Variants in VPS53 observed in about 807,000 individuals in gnomAD.
The protein encoded by VPS53 is VPS53 subunit of GARP complex.
A neutral mutation model predicts 107.0 loss-of-function variants in VPS53; 70 were observed. The ratio of observed to expected loss-of-function variants is 0.65; its 90% CI spans 0.54 to 0.80. The LOEUF (loss-of-function observed/expected upper bound fraction) is 0.80, where lower values mean the gene tolerates loss of function less well. Among genes scored for constraint, VPS53 ranks in the 30% least tolerant of loss-of-function variants. The pLI is 0.00. For missense variants in VPS53, 917 were observed against 1,049.4 expected, an observed-to-expected ratio of 0.87 and a Z score of 1.74; for synonymous variants, 409 against 393.3, an observed-to-expected ratio of 1.04 and a Z score of -0.47.
At chr17:684,255 C>CA (rs1412519629) in intron 4 of VPS53, among the ~76,000 whole-genome samples, 3 of 151,488 alleles carry the variant, frequency 2.0e-5, no homozygotes, top group Middle Eastern at 3.2e-3. Context: ...AGTAATAAGG[C>CA]AAAAAATATT....
chr17:623,575 A>G lies in VPS53; in HGVS notation c.1074T>C (p.Leu358=). Residue 358 remains leucine, a synonymous_variant, in exon 11 of 22, where the codon CTT becomes CTC. Transcript: ENST00000437048. The part of the protein sequence containing the change: ...IQRTTNFEGF[L]AKRFSGCTLT... ...GGGTGCAGCCGGAGAAGCGTTTTGC[A>G]AGAAACCCCTCAAAGTTAGTTGTTC... 1 of 1,613,834 alleles carries G rather than the reference A, an allele frequency of 6.2e-7. No individual in the cohort carries two copies. Among genetic ancestry groups the G allele is most frequent in the Non-Finnish European group, 8.5e-7 (1 of 1,179,762 alleles).
chr17:682,486 C>T (rs1196436805), intron 4 of VPS53, among the ~76,000 whole-genome samples: 1 of 152,112 alleles, frequency 6.6e-6, no homozygotes, highest in African/African-American at 2.4e-5. Flanking sequence ...TGTAGAAGGG[C>T]ATGTAAGGAA....
At chr17:571,265 G>A (rs1419608502) in intron 13 of VPS53, among the ~76,000 whole-genome samples, 2 of 150,480 alleles carry the variant, frequency 1.3e-5, no homozygotes, top group African/African-American at 4.9e-5. Context: ...GGGGAGGGGA[G>A]GGAGAAGAGA....
At chr17:694,646 A>C (rs1414862453) in intron 4 of VPS53, among the ~76,000 whole-genome samples, 1 of 152,236 alleles carries the variant, frequency 6.6e-6, no homozygotes, top group African/African-American at 2.4e-5. Flanking sequence ...ATCACTTTTA[A>C]GGAACACCCA....
At chr17:657,817 C>T (rs1333331073) in intron 5 of VPS53, among the ~76,000 whole-genome samples, 11 of 151,782 alleles carry the variant, frequency 7.2e-5, no homozygotes, top group East Asian at 1.9e-4. Context: ...GTGAGAAACT[C>T]GGCCGTTGAG....
At chr17:590,581 G>T (rs1201963106) in intron 12 of VPS53, among the ~76,000 whole-genome samples, 1 of 152,072 alleles carries the variant, frequency 6.6e-6, no homozygotes, top group Non-Finnish European at 1.5e-5. Flanking sequence ...AGAGTTTTTA[G>T]CATGAAGAGT....
chr17:621,609 A>G (rs1230465181), intron 11 of VPS53, among the ~76,000 whole-genome samples: 2 of 152,204 alleles, frequency 1.3e-5, no homozygotes, highest in Non-Finnish European at 2.9e-5. Context: ...GATGTAGGAA[A>G]AATATCCTGT....
intron 7 of VPS53, among the ~76,000 whole-genome samples, chr17:640,583 G>C (rs903601776): frequency 6.6e-6 from 1 of 151,944 alleles, no homozygotes; most frequent in African/African-American, 2.4e-5. Flanking sequence ...GTCACCTCTT[G>C]AGATAGGCTG....
At chr17:532,609 A>G in intron 19 of VPS53, 2 of 1,074,848 alleles carry the variant, frequency 1.9e-6, no homozygotes, top group South Asian at 2.8e-5. Context: ...GGACCTTTCC[A>G]TGGTGCTTGC....
Position 509,662 on chromosome 17 carries a change from C to G in VPS53, c.*9466G>C, listed in dbSNP as rs1227218952. On this transcript the variant is annotated 3_prime_UTR_variant, in exon 22 of 22. Coordinates refer to ENST00000437048, the MANE Select transcript of VPS53 (RefSeq NM_001128159.3). ...TCACTGGTCACGTATCGCATCCTGG[C>G]TCGCCCCTCACTGGTCACGTATCGA... 5.9e-6 allele frequency: 1 copy of G among 170,248 alleles called. No homozygotes were observed. Among genetic ancestry groups the G allele is most frequent in the Non-Finnish European group, 1.3e-5 (1 of 79,476 alleles). 10.5% of individuals were successfully genotyped at this position (170,248 alleles called of 1,614,324 possible).
intron 14 of VPS53, among the ~76,000 whole-genome samples, chr17:561,645 T>A (rs73275227): frequency 0.011 from 1,670 of 152,298 alleles, 27 homozygotes; most frequent in African/African-American, 0.034. Flanking sequence ...TTATTTATTT[T>A]TTAGGGCGGA....
intron 2 of VPS53, among the ~76,000 whole-genome samples, chr17:705,452 T>A (rs1178271559): frequency 6.6e-6 from 1 of 150,388 alleles, no homozygotes; most frequent in Admixed American, 6.6e-5. Context: ...AAAAATCAGC[T>A]GGGGCTGGGC....
intron 13 of VPS53, among the ~76,000 whole-genome samples, chr17:581,529 C>A (rs1394479056): frequency 1.3e-5 from 2 of 151,456 alleles, no homozygotes; most frequent in South Asian, 2.1e-4. Context: ...TCCCAGAGAA[C>A]CTCCCTCAGA....
rs758331616 is a variant in VPS53, at chr17:627,235, T to G, written c.913A>C (p.Met305Leu). 1.2e-6 allele frequency: 2 copies of G among 1,613,964 alleles called. No homozygotes were observed. Among genetic ancestry groups the G allele is most frequent in the African/African-American group, 2.7e-5 (2 of 74,902 alleles). ...LVDYEEKYGRMFPREWCMAER... is the reference protein window; with the variant it reads ...LVDYEEKYGRLFPREWCMAER... ...GCCATGCACCACTCACGTGGAAACATGCGGCCGTATTTCTCCTCATAGTCC... is the reference window on the plus strand; with the variant it reads ...GCCATGCACCACTCACGTGGAAACAGGCGGCCGTATTTCTCCTCATAGTCC... Residue 305 changes from methionine to leucine, a missense_variant, in exon 10 of 22, where the codon ATG becomes CTG. Transcript: ENST00000437048.
intron 2 of VPS53, chr17:705,509 G>A (rs1162283291): frequency 6.6e-6 from 1 of 152,284 alleles, no homozygotes; most frequent in Non-Finnish European, 1.5e-5. Flanking sequence ...GGCTGGGGCA[G>A]ATGGATCATG....
rs143805298 is a variant in VPS53 at position 522,002 on chromosome 17, C to T, written c.2086-264G>A. Among the ~76,000 whole-genome samples, 238 of 152,226 alleles carry T rather than the reference C, an allele frequency of 1.6e-3. 9 individuals carry two copies. In the East Asian group the frequency reaches 0.041, roughly 26 times the overall value. On this transcript the variant is annotated intron_variant, in intron 19 of 21. Coordinates refer to ENST00000437048, the MANE Select transcript of VPS53 (RefSeq NM_001128159.3). ...GGAGCCGTGGCTCACACCTGTAATC[C>T]CAGCACTTCAGGAGGGCCAGGCAGC...
intron 18 of VPS53, among the ~76,000 whole-genome samples, chr17:533,804 G>A (rs1909789786): frequency 6.6e-6 from 1 of 152,110 alleles, no homozygotes; most frequent in African/African-American, 2.4e-5. Context: ...CTGAGACATA[G>A]GAGATGCTCA....
At chr17:611,452 G>A (rs567987204) in intron 11 of VPS53, among the ~76,000 whole-genome samples, 1 of 152,334 alleles carries the variant, frequency 6.6e-6, no homozygotes, top group Non-Finnish European at 1.5e-5. Context: ...CGTCAGCAAG[G>A]ATATGGGGAA....
chr17:618,976 GT>G (rs1321412470), intron 11 of VPS53, among the ~76,000 whole-genome samples: 1 of 146,358 alleles, frequency 6.8e-6, no homozygotes, highest in East Asian at 2.1e-4. Flanking sequence ...GGGACTACAC[GT>G]GTGCACCACC....
Sources: gnomAD v4.1 joint callset for allele counts (sites outside exome capture counted in the v4.1 genomes callset) on GRCh38, gnomAD v4.1.1 for gene constraint, MANE v1.5 for transcripts, NCBI Gene and HGNC (gene_info 2026-07-23, HGNC 2026-07-21) for gene names.